Variants in XPR1 observed in about 807,000 individuals in gnomAD.
XPR1 encodes the protein xenotropic and polytropic retrovirus receptor 1.
A neutral mutation model predicts 87.5 loss-of-function variants in XPR1; 28 were observed. The ratio of observed to expected loss-of-function variants is 0.32; its 90% CI spans 0.24 to 0.44. The LOEUF is 0.44. XPR1 is among the 20% of genes least tolerant of loss of function. The pLI, the probability that XPR1 is intolerant of heterozygous loss-of-function variation, is 1.00. For missense variants in XPR1, 559 were observed against 862.3 expected, an observed-to-expected ratio of 0.65 and a Z score of 4.41; for synonymous variants, 300 against 306.1, an observed-to-expected ratio of 0.98 and a Z score of 0.21.
intron 11 of XPR1, among the ~76,000 whole-genome samples, chr1:180,855,662 C>CAA (rs1181380970): frequency 7.4e-5 from 6 of 80,876 alleles, no homozygotes; most frequent in Admixed American, 1.4e-4. Context: ...GACTGTGTCT[C>CAA]AAAAAAAAAA....
At chr1:180,672,750 G>T (rs947986477) in intron 1 of XPR1, among the ~76,000 whole-genome samples, 4 of 151,798 alleles carry the variant, frequency 2.6e-5, no homozygotes, top group Admixed American at 1.3e-4. Context: ...ATATTTCTGG[G>T]GTATTGTAGA....
chr1:180,714,117 A>G (rs1657899636), intron 2 of XPR1, among the ~76,000 whole-genome samples: 1 of 152,112 alleles, frequency 6.6e-6, no homozygotes. Context: ...AAAATTGTCA[A>G]ATTTATTGGC....
intron 2 of XPR1, among the ~76,000 whole-genome samples, chr1:180,753,169 G>A (rs1647595407): frequency 6.6e-6 from 1 of 152,160 alleles, no homozygotes; most frequent in South Asian, 2.1e-4. Flanking sequence ...TTTCAAGATT[G>A]TTGTATGCAA....
chr1:180,739,966 C>T (rs755410675), intron 2 of XPR1, among the ~76,000 whole-genome samples: 2 of 152,080 alleles, frequency 1.3e-5, no homozygotes, highest in African/African-American at 2.4e-5. Context: ...ACCACCTCAG[C>T]CTTCCAAAGT....
chr1:180,663,864 C>T (rs889052017), intron 1 of XPR1, among the ~76,000 whole-genome samples: 1 of 152,140 alleles, frequency 6.6e-6, no homozygotes, highest in Non-Finnish European at 1.5e-5. Context: ...ATTGTTCTTT[C>T]TACTCTTTCC....
intron 11 of XPR1, among the ~76,000 whole-genome samples, chr1:180,851,689 A>G (rs768758857): frequency 1.3e-5 from 2 of 152,168 alleles, no homozygotes; most frequent in Non-Finnish European, 2.9e-5. Flanking sequence ...ATAAGCCTAG[A>G]CACACATACA....
At chr1:180,772,497 C>G (rs1648554448) in intron 2 of XPR1, among the ~76,000 whole-genome samples, 1 of 152,120 alleles carries the variant, frequency 6.6e-6, no homozygotes, top group Non-Finnish European at 1.5e-5. Flanking sequence ...GTCTGTCTGT[C>G]TTTGTGTATG....
chr1:180,769,111 A>G (rs149384931), intron 2 of XPR1, among the ~76,000 whole-genome samples: 391 of 152,068 alleles, frequency 2.6e-3, no homozygotes, highest in Non-Finnish European at 4.0e-3. Context: ...TAAAACATAC[A>G]TTTTTAATTT....
intron 12 of XPR1, among the ~76,000 whole-genome samples, chr1:180,864,213 C>T (rs910135072): frequency 1.3e-5 from 2 of 152,054 alleles, no homozygotes; most frequent in Admixed American, 6.6e-5. Flanking sequence ...CATGGAATGC[C>T]CTCAGTCTGA....
chr1:180,686,664 T>C (rs1656790246), intron 2 of XPR1, among the ~76,000 whole-genome samples: 1 of 152,142 alleles, frequency 6.6e-6, no homozygotes, highest in South Asian at 2.1e-4. Flanking sequence ...TGCAAAAAAA[T>C]ATATATCGAG....
intron 8 of XPR1, 81 bp from the exon 9 acceptor site, chr1:180,825,084 T>C (rs928574912): frequency 1.7e-5 from 25 of 1,512,394 alleles, no homozygotes; most frequent in Non-Finnish European, 2.1e-5. Context: ...TACTTTTGTT[T>C]TATTAAAGAT....
chr1:180,818,208 C>T (rs964171764), intron 7 of XPR1, among the ~76,000 whole-genome samples: 2 of 152,044 alleles, frequency 1.3e-5, no homozygotes, highest in Non-Finnish European at 2.9e-5. Flanking sequence ...TGGTTCTTTT[C>T]CTATACACAT....
At chr1:180,836,416 G>C in intron 10 of XPR1, 106 bp from the exon 11 acceptor site, 1 of 1,179,052 alleles carries the variant, frequency 8.5e-7, no homozygotes, top group Non-Finnish European at 1.2e-6. Context: ...TGATTCTGAA[G>C]GTTTTTTGCT....
chr1:180,781,131 T>G (rs1023784219), intron 2 of XPR1, among the ~76,000 whole-genome samples: 1 of 152,002 alleles, frequency 6.6e-6, no homozygotes, highest in African/African-American at 2.4e-5. Context: ...CTAACTTCAT[T>G]CTTTTGCATG....
At chr1:180,863,342 G>T (rs1030210873) in intron 11 of XPR1, among the ~76,000 whole-genome samples, 1 of 152,044 alleles carries the variant, frequency 6.6e-6, no homozygotes, top group Non-Finnish European at 1.5e-5. Context: ...AGTGTTTCAG[G>T]AATCTTTTTC....
chr1:180,836,441 A>G (rs1651296673), intron 10 of XPR1, 81 bp from the exon 11 acceptor site: 1 of 1,499,786 alleles, frequency 6.7e-7, no homozygotes. Context: ...TAGACTTGGT[A>G]TTAGCTACAC....
At chr1:180,796,712 A>C (rs1315802392) in intron 3 of XPR1, among the ~76,000 whole-genome samples, 1 of 152,232 alleles carries the variant, frequency 6.6e-6, no homozygotes, top group Non-Finnish European at 1.5e-5. Flanking sequence ...GAAACAATTC[A>C]AATGTCTGCA....
chr1:180,760,227 C>T (rs992566928), intron 2 of XPR1, among the ~76,000 whole-genome samples: 15 of 152,284 alleles, frequency 9.9e-5, no homozygotes, highest in Non-Finnish European at 1.5e-4. Flanking sequence ...CCTCTCTTAC[C>T]GCTCCTATTC....
intron 1 of XPR1, among the ~76,000 whole-genome samples, chr1:180,639,348 T>C (rs1350416048): frequency 6.6e-6 from 1 of 152,110 alleles, no homozygotes; most frequent in Admixed American, 6.6e-5. Flanking sequence ...AAAATATAAT[T>C]AATCTACTGT....
Sources: gnomAD v4.1 joint callset for allele counts (sites outside exome capture counted in the v4.1 genomes callset) on GRCh38, gnomAD v4.1.1 for gene constraint, MANE v1.5 for transcripts, NCBI Gene and HGNC (gene_info 2026-07-23, HGNC 2026-07-21) for gene names.